PLEKHA5: variants seen among roughly 807,000 people sequenced by gnomAD.
PLEKHA5 encodes pleckstrin homology domain-containing family A member 5.
Under a neutral mutation model 181.9 loss-of-function variants are expected in PLEKHA5, and 55 were observed. The ratio of observed to expected loss-of-function variants is 0.30; its 90% CI spans 0.24 to 0.38. The LOEUF (loss-of-function observed/expected upper bound fraction) is 0.38. Ranked by LOEUF, PLEKHA5 falls within the 10% of genes least tolerant of loss-of-function variation. The pLI is 1.00. For missense variants in PLEKHA5, 1,432 were observed against 1,549.5 expected, an observed-to-expected ratio of 0.92 and a Z score of 1.27; for synonymous variants, 535 against 529.4, an observed-to-expected ratio of 1.01 and a Z score of -0.15.
At chr12:19,248,225 C>T (rs1236005751) in intron 3 of PLEKHA5, among the ~76,000 whole-genome samples, 1 of 151,990 alleles carries the variant, frequency 6.6e-6, no homozygotes, top group East Asian at 1.9e-4. Flanking sequence ...ATCTTTAATG[C>T]CATAGTTTTT....
chr12:19,131,995 G>A (rs914318925), intron 2 of PLEKHA5, among the ~76,000 whole-genome samples: 1 of 152,006 alleles, frequency 6.6e-6, no homozygotes, highest in African/African-American at 2.4e-5. Flanking sequence ...TGAAAAATAC[G>A]GTCTTAAATA....
chr12:19,254,970 T>A (rs2066459721), intron 4 of PLEKHA5, 75 bp from the exon 5 acceptor site: 11 of 1,299,448 alleles, frequency 8.5e-6, no homozygotes, highest in Non-Finnish European at 1.2e-5. Context: ...ACTCGCATTG[T>A]TAACTGTAGA....
chr12:19,300,203 C>T (rs977319173), intron 15 of PLEKHA5, among the ~76,000 whole-genome samples: 1 of 152,106 alleles, frequency 6.6e-6, no homozygotes, highest in Non-Finnish European at 1.5e-5. Flanking sequence ...GAGTGAAAAC[C>T]TTGTATTAAT....
At chr12:19,264,421 G>T (rs944790484) in intron 7 of PLEKHA5, among the ~76,000 whole-genome samples, 1 of 152,158 alleles carries the variant, frequency 6.6e-6, no homozygotes, top group African/African-American at 2.4e-5. Flanking sequence ...TAATAAAGAT[G>T]ACTTCATGTG....
intron 20 of PLEKHA5, among the ~76,000 whole-genome samples, chr12:19,334,985 A>AG (rs1399888686): frequency 2.0e-4 from 14 of 68,374 alleles, no homozygotes; most frequent in Admixed American, 1.4e-3. Flanking sequence ...TTTTTTATGA[A>AG]AAAAAAAAAA....
chr12:19,348,295 C>T, intron 24 of PLEKHA5, 104 bp from the exon 25 acceptor site: 2 of 797,680 alleles, frequency 2.5e-6, no homozygotes, highest in Non-Finnish European at 4.0e-6. Context: ...AGATGGCTCA[C>T]TAGGGCTACT....
chr12:19,155,264 T>G (rs1345319855), intron 3 of PLEKHA5, among the ~76,000 whole-genome samples: 4 of 152,204 alleles, frequency 2.6e-5, no homozygotes, highest in Non-Finnish European at 4.4e-5. Context: ...AGAAGCAAAT[T>G]CAGACAATCC....
intron 3 of PLEKHA5, chr12:19,154,648 C>G (rs2041256410): frequency 6.6e-6 from 1 of 152,140 alleles, no homozygotes; most frequent in South Asian, 2.1e-4. Context: ...TAATTAAATG[C>G]CTTTCACTTT....
chr12:19,292,204 G>A (rs574468322), intron 15 of PLEKHA5, among the ~76,000 whole-genome samples: 3 of 152,236 alleles, frequency 2.0e-5, no homozygotes, highest in Admixed American at 6.5e-5. Flanking sequence ...CCAGGAGTTC[G>A]AGACGAGGCT....
chr12:19,170,986 G>A (rs952102263), intron 3 of PLEKHA5, among the ~76,000 whole-genome samples: 1 of 152,172 alleles, frequency 6.6e-6, no homozygotes, highest in Non-Finnish European at 1.5e-5. Context: ...ATTGCAAGAA[G>A]TTTATAAAAT....
chr12:19,223,000 C>CTTTTTT (rs62719560), intron 3 of PLEKHA5, among the ~76,000 whole-genome samples: 5 of 128,922 alleles, frequency 3.9e-5, no homozygotes, highest in Non-Finnish European at 3.2e-5. Flanking sequence ...GAAATTTTGT[C>CTTTTTT]TTTTTTTTTT....
chr12:19,192,678 C>T (rs1454229585), intron 3 of PLEKHA5, among the ~76,000 whole-genome samples: 2 of 152,010 alleles, frequency 1.3e-5, no homozygotes, highest in Non-Finnish European at 2.9e-5. Context: ...TGCAGTGCAG[C>T]GTGGGCCACA....
chr12:19,240,142 C>A (rs1430080), intron 3 of PLEKHA5, among the ~76,000 whole-genome samples: 132,522 of 152,188 alleles, frequency 0.87, 58,977 homozygotes, highest in Middle Eastern at 0.97. Flanking sequence ...CTGCACGATA[C>A]GGAATAAGTG....
At chr12:19,335,212 T>C (rs2093323749) in intron 20 of PLEKHA5, among the ~76,000 whole-genome samples, 1 of 151,004 alleles carries the variant, frequency 6.6e-6, no homozygotes, top group Admixed American at 6.6e-5. Context: ...TTGTATTTTT[T>C]CGTAGAGATG....
At chr12:19,327,959 G>C (rs2153077773) in intron 20 of PLEKHA5, among the ~76,000 whole-genome samples, 1 of 152,170 alleles carries the variant, frequency 6.6e-6, no homozygotes, top group South Asian at 2.1e-4. Context: ...GATTCTTATA[G>C]TTTGAGGCCT....
At position 19,263,352 on chromosome 12, in the gene PLEKHA5, A is replaced by G. The variant is rs11044469; in HGVS notation, c.610+2331A>G. Among the ~76,000 whole-genome samples the G allele has an allele frequency of 5.9e-4, 90 of 152,306 alleles. No individual in the cohort carries two copies. The East Asian group carries it at 0.015, about 25-fold the overall frequency. On this transcript the variant is annotated intron_variant, in intron 7 of 31. Coordinates refer to ENST00000429027, the MANE Select transcript of PLEKHA5 (RefSeq NM_001256470.2). ...AGGTCTCACAATTCGCAAGTGGCACAGTCAGGATTTGAACTCAGGCACTCT... is the reference window on the plus strand; with the variant it reads ...AGGTCTCACAATTCGCAAGTGGCACGGTCAGGATTTGAACTCAGGCACTCT...
chr12:19,143,895 G>A (rs2038154751), intron 3 of PLEKHA5, among the ~76,000 whole-genome samples: 1 of 152,124 alleles, frequency 6.6e-6, no homozygotes, highest in African/African-American at 2.4e-5. Context: ...TTGTTTGTGA[G>A]TTTTTGCTGT....
chr12:19,287,498 C>T lies in PLEKHA5; in HGVS notation c.1805C>T (p.Ser602Leu), dbSNP rs779063924. Reference sequence around the variant, plus strand: ...CATGTCTATGTGCCTGACAGAAGGTCAGTGCCAGCTGGCCTGACTTTACAG... The same window carrying T: ...CATGTCTATGTGCCTGACAGAAGGTTAGTGCCAGCTGGCCTGACTTTACAG... Reference protein sequence around the residue: ...PKHVYVPDRRSVPAGLTLQSV... With the variant: ...PKHVYVPDRRLVPAGLTLQSV... The change falls in exon 13 of 32, where the codon TCA (serine) becomes TTA (leucine). Residue 602 changes from serine to leucine, a missense_variant. Physicochemically the swap from Ser to Leu is moderately radical, Grantham distance 145. This residue lies in a region of PLEKHA5 where 1,143 missense variants were observed against 1,168.4 expected (regional missense o/e 0.98). Transcript: ENST00000429027. 1.2e-6 allele frequency: 2 copies of T among 1,610,804 alleles called. No individual in the cohort carries two copies. The highest frequency in any genetic ancestry group is 1.1e-5 in the South Asian group (1 of 90,664).
At chr12:19,172,235 C>T (rs1334779459) in intron 3 of PLEKHA5, among the ~76,000 whole-genome samples, 4 of 152,082 alleles carry the variant, frequency 2.6e-5, no homozygotes, top group Non-Finnish European at 5.9e-5. Context: ...TTGAGTAATG[C>T]ATTGTGGTAT....
Sources: allele counts gnomAD v4.1 joint callset (sites outside exome capture counted in the v4.1 genomes callset), GRCh38; gene constraint gnomAD v4.1.1; regional missense constraint gnomAD v4.1.1; transcripts MANE v1.5; gene names NCBI Gene and HGNC (gene_info 2026-07-23, HGNC 2026-07-21).